ZNF385B: variants seen among roughly 807,000 people sequenced by gnomAD.
ZNF385B encodes zinc finger protein 533.
A neutral mutation model predicts 39.2 loss-of-function variants in ZNF385B; 23 were observed. That is an observed-to-expected ratio of 0.59 (90% CI 0.42 to 0.83). The LOEUF (loss-of-function observed/expected upper bound fraction) is 0.83. Ranked by LOEUF, ZNF385B falls within the 40% of genes least tolerant of loss-of-function variation. The pLI is 0.00. For synonymous variants in ZNF385B, 205 were observed against 222.6 expected, an observed-to-expected ratio of 0.92 and a Z score of 0.70; for missense variants, 552 against 598.9, an observed-to-expected ratio of 0.92 and a Z score of 0.82.
intron 1 of ZNF385B, among the ~76,000 whole-genome samples, chr2:179,852,839 T>A (rs1419862067): frequency 1.3e-5 from 2 of 152,172 alleles, no homozygotes; most frequent in Non-Finnish European, 2.9e-5. Flanking sequence ...TTTAGCCAGT[T>A]CCCAGGTCTT....
intron 3 of ZNF385B, among the ~76,000 whole-genome samples, chr2:179,556,769 G>T (rs2060932819): frequency 6.7e-6 from 1 of 149,152 alleles, no homozygotes; most frequent in African/African-American, 2.5e-5. Context: ...ACTACGTGTT[G>T]TCTCTGATGC....
intron 3 of ZNF385B, among the ~76,000 whole-genome samples, chr2:179,650,485 G>C (rs1430603032): frequency 6.6e-6 from 1 of 152,190 alleles, no homozygotes; most frequent in African/African-American, 2.4e-5. Context: ...GATACTTGGA[G>C]ACAAATAAAA....
intron 3 of ZNF385B, among the ~76,000 whole-genome samples, chr2:179,570,032 G>A (rs1314949613): frequency 9.2e-5 from 14 of 152,280 alleles, no homozygotes; most frequent in Non-Finnish European, 1.5e-5. Context: ...TGGCAAATGA[G>A]GTATTCTGAG....
intron 3 of ZNF385B, among the ~76,000 whole-genome samples, chr2:179,738,983 G>T (rs1337927593): frequency 6.6e-6 from 1 of 152,124 alleles, no homozygotes; most frequent in African/African-American, 2.4e-5. Flanking sequence ...CAAAGACTTT[G>T]TTAAATATCT....
chr2:179,483,588 C>T (rs748209694), intron 5 of ZNF385B, among the ~76,000 whole-genome samples, 154 bp from the exon 6 acceptor site: 8 of 152,096 alleles, frequency 5.3e-5, no homozygotes, highest in South Asian at 4.1e-4. Flanking sequence ...AAATGGTAGA[C>T]CAGTTCCTAA....
At chr2:179,556,298 C>T (rs1284112415) in intron 3 of ZNF385B, among the ~76,000 whole-genome samples, 1 of 149,258 alleles carries the variant, frequency 6.7e-6, no homozygotes, top group Admixed American at 6.7e-5. Context: ...TTCAAAGCAG[C>T]GTTGAAAAGT....
intron 1 of ZNF385B, among the ~76,000 whole-genome samples, chr2:179,788,373 A>G (rs1364592204): frequency 6.6e-6 from 1 of 152,202 alleles, no homozygotes; most frequent in Non-Finnish European, 1.5e-5. Flanking sequence ...TAACAAAGAT[A>G]GATTTAGACC....
At position 179,857,909 on chromosome 2, in the gene ZNF385B, G is replaced by A. The variant is rs191339329; in HGVS notation, c.-155+3192C>T. The stretch of plus-strand genomic sequence containing the variant: ...GAGATCAAAGTAAAAAAAATGCAGA[G>A]CTACTTTGAGGCTGGACTGCAGAGG... On this transcript the variant is annotated intron_variant, in intron 1 of 9. Coordinates refer to ENST00000410066, the MANE Select transcript of ZNF385B (RefSeq NM_152520.6). Among the ~76,000 whole-genome samples the A allele has an allele frequency of 5.2e-3, 787 of 152,206 alleles. 9 individuals carry two copies. The highest frequency in any genetic ancestry group is 0.018 in the African/African-American group (759 of 41,520).
intron 4 of ZNF385B, among the ~76,000 whole-genome samples, chr2:179,534,943 G>A (rs16866767): frequency 0.26 from 39,274 of 152,030 alleles, 5,980 homozygotes; most frequent in African/African-American, 0.42. Context: ...TCAAAAATGT[G>A]CCATGTGATA....
chr2:179,580,183 A>T (rs989103390), intron 3 of ZNF385B, among the ~76,000 whole-genome samples: 2 of 151,548 alleles, frequency 1.3e-5, no homozygotes, highest in African/African-American at 4.9e-5. Context: ...AATGTAAGCA[A>T]GAAAAGTGCA....
chr2:179,566,408 A>G (rs1465342339), intron 3 of ZNF385B, among the ~76,000 whole-genome samples: 1 of 152,238 alleles, frequency 6.6e-6, no homozygotes, highest in Non-Finnish European at 1.5e-5. Context: ...GGGTCTTGAA[A>G]AGGAGTCAAT....
intron 3 of ZNF385B, among the ~76,000 whole-genome samples, chr2:179,699,802 T>A (rs1238632272): frequency 6.6e-6 from 1 of 152,188 alleles, no homozygotes; most frequent in Admixed American, 6.5e-5. Flanking sequence ...TGTGAGTAGA[T>A]GAATACCAGA....
chr2:179,640,249 C>T (rs62176333), intron 3 of ZNF385B, among the ~76,000 whole-genome samples: 16,521 of 152,066 alleles, frequency 0.11, 1,164 homozygotes, highest in Admixed American at 0.2. Context: ...TGTGACAAAA[C>T]GGCAGGCTAT....
Position 179,784,834 on chromosome 2 carries a change from G to A in ZNF385B, c.-154-14162C>T, listed in dbSNP as rs1024801095. Among the ~76,000 whole-genome samples, 7 of 151,990 alleles carry A rather than the reference G, an allele frequency of 4.6e-5. No individual in the cohort carries two copies. In the East Asian group the frequency reaches 7.7e-4, roughly 17 times the overall value. On this transcript the variant is annotated intron_variant, in intron 1 of 9. Transcript: ENST00000410066. ...GCAGCAACCAAAACTTGTATACGCC[G>A]GTGGAAGTATAAAGTGGTACAGCCA...
At chr2:179,571,685 T>C (rs1685227824) in intron 3 of ZNF385B, among the ~76,000 whole-genome samples, 1 of 152,314 alleles carries the variant, frequency 6.6e-6, no homozygotes, top group East Asian at 1.9e-4. Context: ...TATTTTCACA[T>C]GGCGTTTCTC....
At chr2:179,792,375 C>CTTTTTTTTTTTTTTTTTTTTT (rs374147864) in intron 1 of ZNF385B, among the ~76,000 whole-genome samples, 2 of 124,126 alleles carry the variant, frequency 1.6e-5, no homozygotes, top group African/African-American at 3.1e-5. Flanking sequence ...ATTTTCTTTT[C>CTTTTTTTTTTTTTTTTTTTTT]TTTTTTTTTT....
intron 3 of ZNF385B, among the ~76,000 whole-genome samples, chr2:179,600,288 T>C (rs1224196966): frequency 6.6e-6 from 1 of 152,200 alleles, no homozygotes; most frequent in Non-Finnish European, 1.5e-5. Flanking sequence ...CGCCAGCATG[T>C]TGAGAACTAA....
chr2:179,519,364 CT>C (rs765277523), intron 4 of ZNF385B, among the ~76,000 whole-genome samples: 49 of 152,262 alleles, frequency 3.2e-4, no homozygotes, highest in Admixed American at 1.5e-3. Context: ...GAAATTCATT[CT>C]ACTGAAAATG....
At chr2:179,501,374 G>T (rs1372803542) in intron 5 of ZNF385B, among the ~76,000 whole-genome samples, 1 of 152,164 alleles carries the variant, frequency 6.6e-6, no homozygotes, top group Non-Finnish European at 1.5e-5. Context: ...TGAAGAAAAT[G>T]TGGGATGTAT....
Sources: gnomAD v4.1 joint callset for allele counts (sites outside exome capture counted in the v4.1 genomes callset) on GRCh38, gnomAD v4.1.1 for gene constraint, MANE v1.5 for transcripts, NCBI Gene and HGNC (gene_info 2026-07-23, HGNC 2026-07-21) for gene names.